The following RBFOX1 variants were observed in gnomAD, a reference collection of about 807,000 sequenced individuals.
The protein encoded by RBFOX1 is RNA binding protein fox-1 homolog 1.
RBFOX1 carries 8 observed loss-of-function variants against 57.7 expected under a neutral mutation model. The observed-to-expected ratio is 0.14, with a 90% CI of 0.08 to 0.25. The LOEUF (loss-of-function observed/expected upper bound fraction) is 0.25. RBFOX1 is among the 10% of genes least tolerant of loss of function. The pLI, the probability that RBFOX1 is intolerant of heterozygous loss-of-function variation, is 1.00. For synonymous variants in RBFOX1, 326 were observed against 222.4 expected (o/e 1.47, Z -4.15); for missense variants, 611 against 548.5 (o/e 1.11, Z -1.14).
At position 6,230,665 on chromosome 16, in the gene RBFOX1, C is replaced by G. The variant is rs544599881; in HGVS notation, c.-126-86330C>G. 3.9e-5 allele frequency among the ~76,000 whole-genome samples: 6 copies of G among 152,254 alleles called. No individual in the cohort carries two copies. In the South Asian group the frequency reaches 6.2e-4, roughly 16 times the overall value. On this transcript the variant is annotated intron_variant, in intron 1 of 15. Coordinates refer to ENST00000550418, the MANE Select transcript of RBFOX1 (RefSeq NM_018723.4). ...TGAGATTAGCAGCTTAATTTCTTCA[C>G]GCATAACAATTCAAGGGGACCTTCA...
At chr16:6,537,811 G>A (rs560997299) in intron 2 of RBFOX1, among the ~76,000 whole-genome samples, 1 of 152,056 alleles carries the variant, frequency 6.6e-6, no homozygotes, top group Admixed American at 6.6e-5. Flanking sequence ...TTCAGGAAAT[G>A]ATTTACATAT....
chr16:6,730,814 A>G (rs149144577), intron 3 of RBFOX1, among the ~76,000 whole-genome samples: 1 of 152,308 alleles, frequency 6.6e-6, no homozygotes, highest in African/African-American at 2.4e-5. Flanking sequence ...AGTTTCTCAT[A>G]TGTGGCTGAG....
chr16:7,624,875 G>A (rs186231379), intron 10 of RBFOX1, among the ~76,000 whole-genome samples: 52 of 152,270 alleles, frequency 3.4e-4, no homozygotes, highest in Admixed American at 1.4e-3. Context: ...TTGGTTTTGC[G>A]CCGATTGGAT....
intron 3 of RBFOX1, among the ~76,000 whole-genome samples, chr16:6,727,640 T>C (rs576821431): frequency 6.6e-6 from 1 of 152,098 alleles, no homozygotes; most frequent in Non-Finnish European, 1.5e-5. Context: ...TAGGGTCTTC[T>C]ACCCCCTCCT....
intron 3 of RBFOX1, among the ~76,000 whole-genome samples, chr16:5,798,527 C>A (rs1401719747): frequency 6.6e-6 from 1 of 152,104 alleles, no homozygotes; most frequent in Admixed American, 6.5e-5. Context: ...AGTGGTAGAA[C>A]TTTAAACAGT....
At chr16:6,052,846 T>G (rs148709715) in intron 1 of RBFOX1, among the ~76,000 whole-genome samples, 2 of 116,544 alleles carry the variant, frequency 1.7e-5, no homozygotes, top group African/African-American at 7.5e-5. Flanking sequence ...TATTAATGCC[T>G]ATGGCCTGGG....
At chr16:6,633,311 C>T (rs1271096195) in intron 2 of RBFOX1, among the ~76,000 whole-genome samples, 2 of 152,086 alleles carry the variant, frequency 1.3e-5, no homozygotes, top group African/African-American at 2.4e-5. Flanking sequence ...GAGTGTCACT[C>T]TTGTCGCCCA....
intron 2 of RBFOX1, among the ~76,000 whole-genome samples, chr16:6,542,291 C>G (rs187707192): frequency 6.6e-6 from 1 of 151,864 alleles, no homozygotes; most frequent in Non-Finnish European, 1.5e-5. Context: ...AGATACTTAT[C>G]TGTTTCTTTT....
intron 1 of RBFOX1, among the ~76,000 whole-genome samples, chr16:6,239,064 A>C (rs893184204): frequency 4.6e-5 from 7 of 152,068 alleles, no homozygotes; most frequent in African/African-American, 1.4e-4. Flanking sequence ...AAGTGATTTT[A>C]ACATGAAATC....
intron 4 of RBFOX1, among the ~76,000 whole-genome samples, chr16:7,148,177 C>T (rs981463139): frequency 6.6e-6 from 1 of 152,184 alleles, no homozygotes; most frequent in African/African-American, 2.4e-5. Flanking sequence ...AGAGGATTTA[C>T]ACCAAATACT....
intron 4 of RBFOX1, among the ~76,000 whole-genome samples, chr16:7,483,010 T>C (rs1290699134): frequency 2.6e-5 from 4 of 152,198 alleles, no homozygotes. Context: ...TTTTCCCAGG[T>C]CATGAACCTG....
rs561695354 is a variant in RBFOX1, at chr16:7,626,612, G to A, written c.677-3991G>A. On this transcript the variant is annotated intron_variant, in intron 10 of 15. Transcript: ENST00000550418. Reference sequence around the variant, plus strand: ...GGCTGCGCAGGTTTCTTGTTAGAGTGGGTGAGCCAACTTTATAAGAACCAG... The same window carrying A: ...GGCTGCGCAGGTTTCTTGTTAGAGTAGGTGAGCCAACTTTATAAGAACCAG... 5.9e-5 allele frequency among the ~76,000 whole-genome samples: 9 copies of A among 152,254 alleles called. No homozygotes were observed. The South Asian group carries it at 1.9e-3, about 32-fold the overall frequency.
chr16:6,241,452 A>G (rs563222012), intron 1 of RBFOX1, among the ~76,000 whole-genome samples: 1 of 150,874 alleles, frequency 6.6e-6, no homozygotes, highest in East Asian at 1.9e-4. Flanking sequence ...TCTGAAAGCT[A>G]TAAATAGCTA....
At chr16:6,624,518 C>G (rs758717640) in intron 2 of RBFOX1, among the ~76,000 whole-genome samples, 1 of 152,064 alleles carries the variant, frequency 6.6e-6, no homozygotes, top group Non-Finnish European at 1.5e-5. Context: ...TTCCACCCAC[C>G]TTTGTTTTGG....
At chr16:6,464,376 C>G (rs565079308) in intron 2 of RBFOX1, among the ~76,000 whole-genome samples, 8 of 152,168 alleles carry the variant, frequency 5.3e-5, no homozygotes, top group Admixed American at 4.6e-4. Context: ...AACTCCATAG[C>G]AAAAATATTT....
chr16:7,194,628 T>C lies in RBFOX1; in HGVS notation c.27+142530T>C, dbSNP rs373188412. ...CAGAAACACTTCGTTTTATTACATT[T>C]AGAAAGTGGTGAATTTAGCCCAGGC... On this transcript the variant is annotated intron_variant, in intron 4 of 15. Transcript: ENST00000550418. 3.9e-5 allele frequency among the ~76,000 whole-genome samples: 6 copies of C among 152,188 alleles called. No individual in the cohort carries two copies. The East Asian group carries it at 7.7e-4, about 20-fold the overall frequency.
At chr16:6,566,952 A>G (rs977865341) in intron 2 of RBFOX1, among the ~76,000 whole-genome samples, 4 of 152,188 alleles carry the variant, frequency 2.6e-5, no homozygotes, top group African/African-American at 9.7e-5. Context: ...AGATGAATTT[A>G]CAGACTCTAA....
chr16:7,448,833 C>T (rs969304427), intron 4 of RBFOX1, among the ~76,000 whole-genome samples: 1 of 151,804 alleles, frequency 6.6e-6, no homozygotes, highest in Non-Finnish European at 1.5e-5. Context: ...ATTTAGGGCC[C>T]ACTTTAATCC....
chr16:7,466,077 C>T (rs1248574111), intron 4 of RBFOX1, among the ~76,000 whole-genome samples: 1 of 152,164 alleles, frequency 6.6e-6, no homozygotes, highest in South Asian at 2.1e-4. Flanking sequence ...GAGACTTTCT[C>T]CAGGATTAGC....
Sources: allele counts gnomAD v4.1 joint callset (sites outside exome capture counted in the v4.1 genomes callset), GRCh38; gene constraint gnomAD v4.1.1; transcripts MANE v1.5; gene names NCBI Gene and HGNC (gene_info 2026-07-23, HGNC 2026-07-21).